ARFIP1: variants seen among roughly 807,000 people sequenced by gnomAD.
ARFIP1 encodes ARF interacting protein 1, also known as arfaptin-1.
ARFIP1 carries 24 observed loss-of-function variants against 42.5 expected under a neutral mutation model. The ratio of observed to expected loss-of-function variants is 0.57; its 90% CI spans 0.41 to 0.80. The LOEUF (loss-of-function observed/expected upper bound fraction) is 0.80, where lower values mean the gene tolerates loss of function less well. Ranked by LOEUF, ARFIP1 falls within the 30% of genes least tolerant of loss-of-function variation. The pLI, the probability that ARFIP1 is intolerant of heterozygous loss-of-function variation, is 0.00. For synonymous variants in ARFIP1, 141 were observed against 153.7 expected (o/e 0.92, Z 0.61); for missense variants, 354 against 434.0 (o/e 0.82, Z 1.64).
intron 7 of ARFIP1, among the ~76,000 whole-genome samples, chr4:152,883,516 T>G (rs1346510950): frequency 6.6e-6 from 1 of 152,036 alleles, no homozygotes; most frequent in Non-Finnish European, 1.5e-5. Context: ...CCCTTTCAAA[T>G]TTTACCTTTT....
Position 152,838,154 on chromosome 4 carries a change from G to A in ARFIP1, c.93+8428G>A, listed in dbSNP as rs1731798729. On this transcript the variant is annotated intron_variant, in intron 2 of 8. Transcript: ENST00000353617. ...GGTCTACATGCCTATCTTTATACCA[G>A]TACCACACTGTTTTGGTGATGGCTT... 2.6e-5 allele frequency among the ~76,000 whole-genome samples: 4 copies of A among 152,276 alleles called. No individual in the cohort carries two copies. In the South Asian group the frequency reaches 8.3e-4, roughly 32 times the overall value.
chr4:152,796,791 G>A, intron 1 of ARFIP1: 1 of 694,522 alleles, frequency 1.4e-6, no homozygotes, highest in South Asian at 1.5e-5. Flanking sequence ...AATCCAAATG[G>A]TATAGCATTT....
intron 1 of ARFIP1, among the ~76,000 whole-genome samples, chr4:152,783,203 GAGGGGCTGAGGC>G (rs923538138): frequency 1.3e-5 from 2 of 152,092 alleles, no homozygotes; most frequent in African/African-American, 4.8e-5. Flanking sequence ...AGCTACTTGG[GAGGGGCTGAGGC>G]AGGAGAATCG....
intron 1 of ARFIP1, among the ~76,000 whole-genome samples, chr4:152,787,459 A>G (rs1447961856): frequency 1.3e-5 from 2 of 152,234 alleles, no homozygotes; most frequent in Non-Finnish European, 2.9e-5. Flanking sequence ...TTCAGCTGCC[A>G]TATATCTTTT....
chr4:152,844,962 C>G (rs929982459), intron 2 of ARFIP1, among the ~76,000 whole-genome samples: 2 of 152,128 alleles, frequency 1.3e-5, no homozygotes, highest in Non-Finnish European at 1.5e-5. Flanking sequence ...CAACTTCAAA[C>G]TATAAGGCTA....
intron 5 of ARFIP1, among the ~76,000 whole-genome samples, chr4:152,876,048 A>G (rs1173750417): frequency 6.6e-6 from 1 of 152,154 alleles, no homozygotes; most frequent in East Asian, 1.9e-4. Flanking sequence ...AAGTCCAGTT[A>G]AACCTCTTTT....
At chr4:152,810,119 A>G (rs1443719831) in intron 1 of ARFIP1, 1 of 152,268 alleles carries the variant, frequency 6.6e-6, no homozygotes, top group Non-Finnish European at 1.5e-5. Context: ...TCTCCAAAAA[A>G]GTAACATCAT....
At chr4:152,871,709 T>A (rs1734897374) in intron 4 of ARFIP1, among the ~76,000 whole-genome samples, 1 of 152,060 alleles carries the variant, frequency 6.6e-6, no homozygotes, top group Admixed American at 6.5e-5. Flanking sequence ...ATATTTTGAC[T>A]ATGAAAAGTA....
intron 1 of ARFIP1, among the ~76,000 whole-genome samples, chr4:152,787,556 C>T (rs576530749): frequency 5.0e-4 from 76 of 152,338 alleles, no homozygotes; most frequent in Middle Eastern, 3.4e-3. Context: ...ATTGGTTATA[C>T]GTAGCATATA....
chr4:152,899,267 G>A (rs1737616224), intron 8 of ARFIP1, among the ~76,000 whole-genome samples: 1 of 152,048 alleles, frequency 6.6e-6, no homozygotes, highest in African/African-American at 2.4e-5. Context: ...AGAAGTTATA[G>A]GATGGGTAAA....
chr4:152,857,815 A>G (rs1159918257), intron 2 of ARFIP1, among the ~76,000 whole-genome samples: 1 of 152,176 alleles, frequency 6.6e-6, no homozygotes, highest in East Asian at 1.9e-4. Context: ...ACTTAATTAC[A>G]GGACTTGTTA....
chr4:152,876,997 AG>A (rs1735405843), intron 5 of ARFIP1, among the ~76,000 whole-genome samples: 4 of 152,178 alleles, frequency 2.6e-5, no homozygotes, highest in Admixed American at 2.0e-4. Flanking sequence ...CTGGGTGCCC[AG>A]GCAGAAGTTT....
intron 5 of ARFIP1, among the ~76,000 whole-genome samples, chr4:152,879,183 TAAAA>T (rs560700406): frequency 4.9e-5 from 7 of 143,538 alleles, no homozygotes; most frequent in Non-Finnish European, 9.2e-5. Flanking sequence ...ACTCTTTTGT[TAAAA>T]AAAAAAAAAG....
At chr4:152,781,228 TTTTTTC>T (rs1439152842) in intron 1 of ARFIP1, among the ~76,000 whole-genome samples, 1 of 123,204 alleles carries the variant, frequency 8.1e-6, no homozygotes, top group Non-Finnish European at 1.7e-5. Flanking sequence ...TGGCCTTTTC[TTTTTTC>T]TTTTTTTTTT....
intron 1 of ARFIP1, among the ~76,000 whole-genome samples, chr4:152,821,346 T>A (rs894870560): frequency 2.0e-5 from 3 of 152,162 alleles, no homozygotes; most frequent in Non-Finnish European, 2.9e-5. Flanking sequence ...AACTACAACA[T>A]GCAGTGGCAA....
chr4:152,908,005 T>C (rs1452009705), intron 8 of ARFIP1, among the ~76,000 whole-genome samples: 3 of 152,238 alleles, frequency 2.0e-5, no homozygotes, highest in Non-Finnish European at 2.9e-5. Flanking sequence ...CCGTCAATAG[T>C]ATATAGTTGT....
chr4:152,782,273 A>G (rs1730556736), intron 1 of ARFIP1, among the ~76,000 whole-genome samples: 1 of 151,318 alleles, frequency 6.6e-6, no homozygotes, highest in South Asian at 2.1e-4. Flanking sequence ...CCCAAACTGT[A>G]AATTGTTTGC....
At chr4:152,787,173 C>A (rs566490852) in intron 1 of ARFIP1, among the ~76,000 whole-genome samples, 1 of 152,232 alleles carries the variant, frequency 6.6e-6, no homozygotes, top group South Asian at 2.1e-4. Flanking sequence ...CATTAAATTT[C>A]CAAGTTAATG....
chr4:152,787,008 G>C (rs1178289759), intron 1 of ARFIP1, among the ~76,000 whole-genome samples: 2 of 152,088 alleles, frequency 1.3e-5, no homozygotes, highest in Non-Finnish European at 2.9e-5. Flanking sequence ...ATTTCCCGCA[G>C]TTTGCAATTT....
Sources: allele counts gnomAD v4.1 joint callset (sites outside exome capture counted in the v4.1 genomes callset), GRCh38; gene constraint gnomAD v4.1.1; transcripts MANE v1.5; gene names NCBI Gene and HGNC (gene_info 2026-07-23, HGNC 2026-07-21).